Variants in MAF observed in about 807,000 individuals in gnomAD.
The protein encoded by MAF is transcription factor Maf.
In MAF, 10 loss-of-function variants were observed where a neutral mutation model predicts 22.0. That is an observed-to-expected ratio of 0.45 (90% confidence interval 0.28 to 0.77). The LOEUF is 0.77. Ranked by LOEUF, MAF falls within the 30% of genes least tolerant of loss-of-function variation. The pLI, the probability that MAF is intolerant of heterozygous loss-of-function variation, is 0.12. For synonymous variants in MAF, 337 were observed against 255.8 expected (o/e 1.32, Z -3.03); for missense variants, 544 against 548.4 (o/e 0.99, Z 0.08).
chr16:79,359,416 C>G, the MAF span, among the ~76,000 whole-genome samples: 1 of 152,094 alleles, frequency 6.6e-6, no homozygotes, highest in Non-Finnish European at 1.5e-5. Flanking sequence ...TGACTTTTTG[C>G]TGAAGAATAT....
chr16:79,420,667 AG>A, the MAF span, among the ~76,000 whole-genome samples: 3 of 152,200 alleles, frequency 2.0e-5, no homozygotes, highest in Admixed American at 6.5e-5. Flanking sequence ...CCCTTTTCCA[AG>A]GCCTCTTTCC....
At chr16:79,350,383 T>C in the MAF span, among the ~76,000 whole-genome samples, 1 of 152,202 alleles carries the variant, frequency 6.6e-6, no homozygotes, top group African/African-American at 2.4e-5. Context: ...GCAATAGGAT[T>C]TGAGTCTCCA....
the MAF span, among the ~76,000 whole-genome samples, chr16:79,427,353 C>T: frequency 1.3e-5 from 2 of 152,190 alleles, no homozygotes; most frequent in Non-Finnish European, 2.9e-5. Context: ...CCTGGGGTGC[C>T]CCAAACATAT....
At chr16:79,365,527 G>A in the MAF span, among the ~76,000 whole-genome samples, 1 of 152,136 alleles carries the variant, frequency 6.6e-6, no homozygotes, top group Non-Finnish European at 1.5e-5. Flanking sequence ...ACTTTGTGAT[G>A]AGGGGCCCTA....
At chr16:79,341,376 G>A in the MAF span, among the ~76,000 whole-genome samples, 1 of 152,174 alleles carries the variant, frequency 6.6e-6, no homozygotes, top group Admixed American at 6.5e-5. Flanking sequence ...TGGTACGGAA[G>A]CTCAGTGGCT....
chr16:79,421,598 C>A, the MAF span, among the ~76,000 whole-genome samples: 5,202 of 151,278 alleles, frequency 0.034, 305 homozygotes, highest in African/African-American at 0.12. Context: ...TAAACCAGGC[C>A]GGAGAAAAGG....
the MAF span, among the ~76,000 whole-genome samples, chr16:79,360,581 C>G: frequency 2.0e-5 from 3 of 152,198 alleles, no homozygotes; most frequent in African/African-American, 7.2e-5. Context: ...TAAATAATCT[C>G]ATTTTTCTTC....
chr16:79,267,148 G>C, the MAF span, among the ~76,000 whole-genome samples: 10 of 152,324 alleles, frequency 6.6e-5, no homozygotes, highest in African/African-American at 2.4e-4. Flanking sequence ...GAACAACAAA[G>C]TTCAATTTTG....
At chr16:79,438,155 C>T in the MAF span, among the ~76,000 whole-genome samples, 1 of 152,142 alleles carries the variant, frequency 6.6e-6, no homozygotes, top group Non-Finnish European at 1.5e-5. Flanking sequence ...GAGGTTCCCA[C>T]ATGCCAAGCT....
At chr16:79,593,390 T>C (rs1913300255), downstream of MAF, among the ~76,000 whole-genome samples, 1 of 152,130 alleles carries the variant, frequency 6.6e-6, no homozygotes, top group Non-Finnish European at 1.5e-5. Context: ...ATGATCTGTC[T>C]TCTGTCCACT....
the MAF span, among the ~76,000 whole-genome samples, chr16:79,293,084 T>G: frequency 6.6e-6 from 1 of 152,092 alleles, no homozygotes; most frequent in Non-Finnish European, 1.5e-5. Flanking sequence ...GCCTATGGAG[T>G]AGCCATTCTT....
rs374654507 is a variant in MAF at position 79,599,148 on chromosome 16, G to A, written c.755C>T (p.Ala252Val). The A allele has an allele frequency of 2.6e-6, 4 of 1,549,520 alleles. No individual in the cohort carries two copies. Among genetic ancestry groups the A allele is most frequent in the Non-Finnish European group, 3.5e-6 (4 of 1,153,960 alleles). ...GCGGTCGTCGAAGTGCAGGCCGCCG[G>A]CGGCGTGGTGCGGGTGCAGGGCGCC... is the stretch of plus-strand genomic sequence containing the variant. Reference protein sequence around the residue: ...AGGALHPHHAAGGLHFDDRFS... With the variant: ...AGGALHPHHAVGGLHFDDRFS... The change falls in exon 1 of 2, where the codon GCC (alanine) becomes GTC (valine). Residue 252 changes from alanine to valine, a missense_variant. Physicochemically the swap from Ala to Val is moderately conservative, Grantham distance 64. This residue lies in a region of MAF where 342 missense variants were observed against 315.5 expected (regional missense o/e 1.08). Coordinates refer to ENST00000326043, the MANE Select transcript of MAF (RefSeq NM_005360.5).
chr16:79,547,630 G>A, the MAF span, among the ~76,000 whole-genome samples: 1 of 152,132 alleles, frequency 6.6e-6, no homozygotes, highest in East Asian at 1.9e-4. Context: ...AGTTCCCTCT[G>A]GAATTGATGT....
chr16:79,213,595 G>A, the MAF span, among the ~76,000 whole-genome samples: 1 of 152,120 alleles, frequency 6.6e-6, no homozygotes, highest in East Asian at 1.9e-4. Context: ...GTTGATCTTT[G>A]GAACCCTGCA....
chr16:79,353,396 T>C, the MAF span, among the ~76,000 whole-genome samples: 2 of 152,200 alleles, frequency 1.3e-5, no homozygotes, highest in African/African-American at 4.8e-5. Context: ...CCCAAAGTGC[T>C]GGGATTACAG....
chr16:79,499,633 C>A, the MAF span, among the ~76,000 whole-genome samples: 7 of 152,224 alleles, frequency 4.6e-5, no homozygotes, highest in East Asian at 1.4e-3. Flanking sequence ...TGTCCCTTCC[C>A]CCATATGAAG....
chr16:79,468,226 G>C, the MAF span, among the ~76,000 whole-genome samples: 3 of 152,184 alleles, frequency 2.0e-5, no homozygotes, highest in African/African-American at 4.8e-5. Flanking sequence ...GTGAGCTCCT[G>C]ATTTATGACA....
chr16:79,228,343 T>G, the MAF span, among the ~76,000 whole-genome samples: 3 of 152,084 alleles, frequency 2.0e-5, no homozygotes, highest in African/African-American at 7.2e-5. Flanking sequence ...TAACTATCAG[T>G]CTAAATGAGG....
At chr16:79,420,142 C>T in the MAF span, among the ~76,000 whole-genome samples, 3 of 152,160 alleles carry the variant, frequency 2.0e-5, no homozygotes, top group African/African-American at 7.2e-5. Context: ...GGGAGACAGA[C>T]TAATACTTTG....
Sources: gnomAD v4.1 joint callset for allele counts (sites outside exome capture counted in the v4.1 genomes callset) on GRCh38, gnomAD v4.1.1 for gene constraint, gnomAD v4.1.1 regional missense constraint, MANE v1.5 for transcripts, NCBI Gene and HGNC (gene_info 2026-07-23, HGNC 2026-07-21) for gene names.